The following CERS2 variants were observed in gnomAD, a reference collection of about 807,000 sequenced individuals.
The protein encoded by CERS2 is LAG1 homolog, ceramide synthase 2.
A neutral mutation model predicts 56.6 loss-of-function variants in CERS2; 20 were observed. The ratio of observed to expected loss-of-function variants is 0.35; its 90% confidence interval spans 0.25 to 0.51. The LOEUF (loss-of-function observed/expected upper bound fraction) is 0.51, where lower values mean the gene tolerates loss of function less well. CERS2 is among the 20% of genes least tolerant of loss of function. The probability of loss-of-function intolerance (pLI) is 0.96; values close to 1 mark genes in which losing one functional copy is unlikely to be tolerated. For synonymous variants in CERS2, 187 were observed against 175.4 expected (o/e 1.07, Z -0.52); for missense variants, 361 against 488.6 (o/e 0.74, Z 2.46).
At chr1:150,967,269 C>T (rs1671050095) in intron 7 of CERS2, 67 bp from the exon 8 acceptor site, 18 of 1,561,848 alleles carry the variant, frequency 1.2e-5, no homozygotes, top group African/African-American at 4.1e-5. Flanking sequence ...CTTCTTACCC[C>T]TTGCCTTTGG....
intron 7 of CERS2, 67 bp downstream of exon 7, chr1:150,967,325 G>C: frequency 7.0e-7 from 1 of 1,426,082 alleles, no homozygotes; most frequent in Non-Finnish European, 9.9e-7. Context: ...AGAAGTCAAA[G>C]GAGAGGGTGT....
At chr1:150,966,450 C>G in intron 10 of CERS2, 26 bp downstream of exon 10, 1 of 1,613,592 alleles carries the variant, frequency 6.2e-7, no homozygotes. Flanking sequence ...AGTAGTAAGG[C>G]CTACACAATG....
chr1:150,968,859 A>C, intron 2 of CERS2, 59 bp downstream of exon 2: 1 of 1,513,826 alleles, frequency 6.6e-7, no homozygotes, highest in South Asian at 1.2e-5. Flanking sequence ...ACAAACTTGA[A>C]GTCCAAGAAA....
At position 150,967,534 on chromosome 1, in the gene CERS2, C is replaced by T. The variant is rs778072497; in HGVS notation, c.520-50G>A. On this transcript the variant is annotated intron_variant, in intron 6 of 10. Coordinates refer to ENST00000368954, the MANE Select transcript of CERS2 (RefSeq NM_022075.5). ...GCAACCAGCCGCAAGGGTGTCCCCA[C>T]TCCACAAACCCCCTAGCCCCTGAGG... The T allele has an allele frequency of 2.9e-6, 4 of 1,388,310 alleles. No individual in the cohort carries two copies. The East Asian group carries it at 6.8e-5, about 24-fold the overall frequency. The allele number at this position is 1,388,310 out of a possible 1,614,324, so 86.0% of individuals were successfully genotyped here. A position where few individuals can be genotyped will look rare whatever the true frequency, so the allele number is the denominator to read the frequency against.
intron 2 of CERS2, 79 bp from the exon 3 acceptor site, chr1:150,968,591 C>T (rs1023368738): frequency 1.7e-6 from 2 of 1,145,214 alleles, no homozygotes; most frequent in Admixed American, 1.7e-5. Context: ...TTACCCTGGC[C>T]TCAGTTTCCC....
At position 150,968,013 on chromosome 1, in the gene CERS2, C is replaced by T. The variant is rs1179015737; in HGVS notation, c.410+70G>A. ...CTCACATCTCCCTGCGTATAGCCAC[C>T]GCCTATCCCTCCCAGCAAGACACAT... On this transcript the variant is annotated intron_variant, in intron 4 of 10. Transcript: ENST00000368954. 32 of 1,466,834 alleles carry T rather than the reference C, an allele frequency of 2.2e-5. No homozygotes were observed. The East Asian group carries it at 4.1e-4, about 19-fold the overall frequency. The allele number at this position is 1,466,834 out of a possible 1,614,324, so 90.9% of individuals were successfully genotyped here.
rs1298689759 is a variant in CERS2 at position 150,965,542 on chromosome 1, T to A, written c.*606A>T. On this transcript the variant is annotated 3_prime_UTR_variant, in exon 11 of 11. Coordinates refer to ENST00000368954, the MANE Select transcript of CERS2 (RefSeq NM_022075.5). ...TCGCTACAGGGACAGCTGAAAGAAGTAGCACTAAGAAAGATCATCCGAGCA... is the reference window on the plus strand; with the variant it reads ...TCGCTACAGGGACAGCTGAAAGAAGAAGCACTAAGAAAGATCATCCGAGCA... 2 of 152,624 alleles carry A rather than the reference T, an allele frequency of 1.3e-5. No homozygotes were observed. The highest frequency in any genetic ancestry group is 4.8e-5 in the African/African-American group (2 of 41,418). 9.5% of individuals were successfully genotyped at this position (152,624 alleles called of 1,614,324 possible). A position where few individuals can be genotyped will look rare whatever the true frequency, so the allele number is the denominator to read the frequency against.
chr1:150,973,305 G>A (rs1333850301), intron 1 of CERS2: 2 of 152,312 alleles, frequency 1.3e-5, no homozygotes, highest in Non-Finnish European at 2.9e-5. Context: ...CCCACCAAAG[G>A]CCTCCACGGA....
Position 150,966,830 on chromosome 1 carries a change from C to A in CERS2, c.774G>T (p.Lys258Asn), listed in dbSNP as rs1486768032. The A allele has an allele frequency of 6.2e-7, 1 of 1,613,924 alleles. No homozygotes were observed. Among genetic ancestry groups the A allele is most frequent in the East Asian group, 2.2e-5 (1 of 44,904 alleles). Residue 258 changes from lysine (K) to asparagine (N), a missense_variant, in exon 9 of 11, where the codon AAG becomes AAT. Transcript: ENST00000368954. ...CGATGAAGATGTTGTTGCAGGTGTT[C>A]TTCCATCCCGCGTAGTTAAACATCT... is the stretch of plus-strand genomic sequence containing the variant. ...SAKMFNYAGW[K>N]NTCNNIFIVF...
At chr1:150,970,449 A>G (rs1231105840) in intron 1 of CERS2, among the ~76,000 whole-genome samples, 1 of 152,112 alleles carries the variant, frequency 6.6e-6, no homozygotes, top group Non-Finnish European at 1.5e-5. Flanking sequence ...TGGGGCAGGG[A>G]ACCAAGAGAG....
At chr1:150,966,416 A>G (rs1417119148) in intron 10 of CERS2, 60 bp downstream of exon 10, 1 of 1,603,784 alleles carries the variant, frequency 6.2e-7, no homozygotes, top group South Asian at 1.1e-5. Flanking sequence ...TACTGGCAAG[A>G]TGGGAGTTCA....
chr1:150,968,960 G>A lies in CERS2; in HGVS notation c.131C>T (p.Pro44Leu), dbSNP rs747515401. 7 of 1,613,972 alleles carry A rather than the reference G, an allele frequency of 4.3e-6. No individual in the cohort carries two copies. The highest frequency in any genetic ancestry group is 1.1e-5 in the South Asian group (1 of 91,060). Residue 44 changes from proline (P) to leucine (L), a missense_variant, in exon 2 of 11, where the codon CCC becomes CTC. Physicochemically the swap from Pro to Leu is moderately conservative, Grantham distance 98 (BLOSUM62 -3). This residue lies in a region of CERS2 where 236 missense variants were observed against 309.2 expected (regional missense o/e 0.76). Transcript: ENST00000368954. ...AKASDLYITL[P>L]LALLFLIVRY... is the part of the protein sequence containing the mutation. Reference sequence around the variant, plus strand: ...AACGATGAGGAAGAGCAAGGCCAGGGGCAGCGTGATATAGAGATCTGAGGC... The same window carrying A: ...AACGATGAGGAAGAGCAAGGCCAGGAGCAGCGTGATATAGAGATCTGAGGC...
chr1:150,966,516 T>A lies in CERS2; in HGVS notation c.962A>T (p.Tyr321Phe). Residue 321 changes from tyrosine (Y) to phenylalanine (F), a missense_variant, in exon 10 of 11, where the codon TAC becomes TTC. Coordinates refer to ENST00000368954, the MANE Select transcript of CERS2 (RefSeq NM_022075.5). ...VLQLLHIFWA[Y>F]LILRMAHKFI... ...CTTGTGGGCCATGCGCAAAATGAGG[T>A]AGGCCCAGAAGATATGCAGCAGCTG... 1 of 1,613,854 alleles carries A rather than the reference T, an allele frequency of 6.2e-7. No homozygotes were observed. The highest frequency in any genetic ancestry group is 8.5e-7 in the Non-Finnish European group (1 of 1,179,898).
rs1427780435 is a variant in CERS2 at position 150,966,547 on chromosome 1, C to T, written c.931G>A (p.Val311Ile). 34 of 1,613,950 alleles carry T rather than the reference C, an allele frequency of 2.1e-5. No individual in the cohort carries two copies. Among genetic ancestry groups the T allele is most frequent in the Non-Finnish European group, 2.5e-5 (29 of 1,180,012 alleles). Residue 311 changes from valine (V) to isoleucine (I), a missense_variant, in exon 10 of 11, where the codon GTT (valine) becomes ATT (isoleucine). Around this residue, in one of 3 missense-constraint regions of CERS2, gnomAD observed 122 missense variants for 151.9 expected, o/e 0.80. Transcript: ENST00000368954. ...GYYFFNSMMGVLQLLHIFWAY... is the reference protein window; with the variant it reads ...GYYFFNSMMGILQLLHIFWAY... ...CAGAAGATATGCAGCAGCTGTAGAA[C>T]TCCCATCATGGAATTGAAGAAGTAA...
chr1:150,966,845 G>A lies in CERS2; in HGVS notation c.759C>T (p.Asn253=). Residue 253 remains asparagine (N), a synonymous_variant, in exon 9 of 11, where the codon AAC becomes AAT. Transcript: ENST00000368954. ...DYLLESAKMF[N]YAGWKNTCNN... is the part of the protein sequence containing the mutation. ...TGCAGGTGTTCTTCCATCCCGCGTA[G>A]TTAAACATCTTGGCTGACTGCATAG... 6.2e-7 allele frequency: 1 copy of A among 1,613,840 alleles called. No individual in the cohort carries two copies. The highest frequency in any genetic ancestry group is 1.1e-5 in the South Asian group (1 of 91,076).
intron 1 of CERS2, chr1:150,974,379 GC>G (rs1225375236): frequency 1.3e-5 from 2 of 149,754 alleles, no homozygotes; most frequent in African/African-American, 2.4e-5. Flanking sequence ...GCGGCGCCAG[GC>G]CCGCCGGCCC....
Position 150,974,765 on chromosome 1 carries a change from TCCTCCGCCAGCCGCCGGCG to T in CERS2, c.-167_-149del, listed in dbSNP as rs1374294092. Reference sequence around the variant, plus strand: ...GGCCCGCGCCCGCCCTCGCCCTCCCTCCTCCGCCAGCCGCCGGCGCCGCCGCCGCCGCCCGCCGAGCCCA... The same window carrying T: ...GGCCCGCGCCCGCCCTCGCCCTCCCTCCGCCGCCGCCGCCCGCCGAGCCCA... On this transcript the variant is annotated 5_prime_UTR_variant, in exon 1 of 11. Transcript: ENST00000368954. 2 of 142,266 alleles carry T rather than the reference TCCTCCGCCAGCCGCCGGCG, an allele frequency of 1.4e-5. No homozygotes were observed. The highest frequency in any genetic ancestry group is 3.0e-5 in the Non-Finnish European group (2 of 65,680). The allele number at this position is 142,266 out of a possible 1,614,324, so 8.8% of individuals were successfully genotyped here.
intron 1 of CERS2, chr1:150,973,929 AGTGATT>A (rs1206793482): frequency 1.3e-5 from 2 of 152,748 alleles, no homozygotes; most frequent in Non-Finnish European, 2.9e-5. Flanking sequence ...ACGGGCCTCT[AGTGATT>A]AACAAGCTAC....
At chr1:150,970,637 G>A (rs1048955041) in intron 1 of CERS2, among the ~76,000 whole-genome samples, 1 of 152,064 alleles carries the variant, frequency 6.6e-6, no homozygotes. Flanking sequence ...CTGGGGCTAT[G>A]AGTAGCATGC....
Sources: allele counts gnomAD v4.1 joint callset (sites outside exome capture counted in the v4.1 genomes callset), GRCh38; gene constraint gnomAD v4.1.1; regional missense constraint gnomAD v4.1.1; transcripts MANE v1.5; gene names NCBI Gene and HGNC (gene_info 2026-07-23, HGNC 2026-07-21).